The following RIMBP2 variants were observed in gnomAD, a reference collection of about 807,000 sequenced individuals.
RIMBP2 encodes the protein RIMS binding protein 2.
In RIMBP2, 48 loss-of-function variants were observed where a neutral mutation model predicts 118.6. The ratio of observed to expected loss-of-function variants is 0.40; its 90% CI spans 0.32 to 0.51. RIMBP2 has a LOEUF of 0.51. RIMBP2 is among the 20% of genes least tolerant of loss of function. The pLI is 0.41. For synonymous variants in RIMBP2, 762 were observed against 742.9 expected (o/e 1.03, Z -0.42); for missense variants, 1,551 against 1,768.3 (o/e 0.88, Z 2.20).
chr12:130,514,702 T>G (rs117249224), intron 3 of RIMBP2, among the ~76,000 whole-genome samples: 1 of 152,154 alleles, frequency 6.6e-6, no homozygotes, highest in Non-Finnish European at 1.5e-5. Context: ...TTTTTTATAT[T>G]TTTCCTCCTA....
At chr12:130,541,721 A>C (rs953244546) in intron 2 of RIMBP2, among the ~76,000 whole-genome samples, 1 of 152,268 alleles carries the variant, frequency 6.6e-6, no homozygotes, top group Non-Finnish European at 1.5e-5. Flanking sequence ...TGTTATCAGG[A>C]GCAACAGCTG....
chr12:130,533,442 T>G (rs753341009), intron 2 of RIMBP2, among the ~76,000 whole-genome samples: 18 of 152,202 alleles, frequency 1.2e-4, no homozygotes, highest in Non-Finnish European at 2.2e-4. Context: ...AGGGAACTCT[T>G]ACACACTGAT....
rs1195688947 is a variant in RIMBP2 at position 130,434,195 on chromosome 12, T to G, written c.2253+539A>C. Among the ~76,000 whole-genome samples the G allele has an allele frequency of 6.6e-6, 1 of 152,212 alleles. No individual in the cohort carries two copies. The highest frequency in any genetic ancestry group is 1.5e-5 in the Non-Finnish European group (1 of 68,040). ...GTCCCTCCTGTTGTCCAAGTTTTGT[T>G]CTTTACAGCATCTGAGGGCATTTCC... On this transcript the variant is annotated intron_variant, in intron 14 of 22. Coordinates refer to ENST00000690449, the MANE Select transcript of RIMBP2 (RefSeq NM_001393629.1). This position sits in a 1 kb window ranked among gnomAD's most constrained non-coding sequence, Gnocchi z 5.7.
At chr12:130,675,699 T>C (rs963788964) in intron 1 of RIMBP2, among the ~76,000 whole-genome samples, 8 of 152,154 alleles carry the variant, frequency 5.3e-5, no homozygotes, top group African/African-American at 1.9e-4. Context: ...CCACGTGACT[T>C]TGACACAATT....
intron 1 of RIMBP2, among the ~76,000 whole-genome samples, chr12:130,649,826 C>T (rs968690662): frequency 2.0e-5 from 3 of 151,996 alleles, no homozygotes; most frequent in South Asian, 2.1e-4. Context: ...CCGAAGAGGA[C>T]GTGCGGGTGC....
chr12:130,636,949 C>T (rs750047), intron 1 of RIMBP2, among the ~76,000 whole-genome samples: 91,650 of 152,074 alleles, frequency 0.6, 28,474 homozygotes, highest in Admixed American at 0.68. Context: ...CTAGTAATGC[C>T]TTGGGGATGG....
Position 130,664,447 on chromosome 12 carries a change from G to GTGCATGCA in RIMBP2, c.-351-35992_-351-35991insTGCATGCA, listed in dbSNP as rs1566439284. On this transcript the variant is annotated intron_variant, in intron 1 of 22. Coordinates refer to ENST00000690449, the MANE Select transcript of RIMBP2 (RefSeq NM_001393629.1). ...CACACACATGCATGCACGCACACACGCACACACATGCACGCACACACACGC... is the reference window on the plus strand; with the variant it reads ...CACACACATGCATGCACGCACACACGTGCATGCACACACACATGCACGCACACACACGC... Among the ~76,000 whole-genome samples, 49 of 122,506 alleles carry GTGCATGCA rather than the reference G, an allele frequency of 4.0e-4. 2 individuals carry two copies. The highest frequency in any genetic ancestry group is 5.2e-4 in the Non-Finnish European group (29 of 56,026). 80.4% of individuals were successfully genotyped at this position (122,506 alleles called of 152,430 possible).
intron 14 of RIMBP2, chr12:130,429,805 G>A (rs2077043678): frequency 6.6e-6 from 1 of 152,188 alleles, no homozygotes; most frequent in African/African-American, 2.4e-5. Flanking sequence ...GCCTCGGCCG[G>A]GCAGTCTGCA....
intron 17 of RIMBP2, among the ~76,000 whole-genome samples, chr12:130,417,221 C>A (rs1023712806): frequency 3.3e-5 from 5 of 152,182 alleles, no homozygotes; most frequent in African/African-American, 1.2e-4. Flanking sequence ...ATTTGACACA[C>A]CAGTGCCATT....
Position 130,450,067 on chromosome 12 carries a change from G to A in RIMBP2, c.581+133C>T. 1.6e-6 allele frequency: 1 copy of A among 639,976 alleles called. No individual in the cohort carries two copies. Among genetic ancestry groups the A allele is most frequent in the Non-Finnish European group, 2.8e-6 (1 of 359,754 alleles). 39.6% of individuals were successfully genotyped at this position (639,976 alleles called of 1,614,324 possible). The stretch of plus-strand genomic sequence containing the variant: ...CCACCGAACCCTGCTCAGCCTCCAG[G>A]CCAGGCTGAAATCCCACCTTCTCCT... On this transcript the variant is annotated intron_variant, in intron 9 of 22. Coordinates refer to ENST00000690449, the MANE Select transcript of RIMBP2 (RefSeq NM_001393629.1). This position sits in a 1 kb window ranked among gnomAD's most constrained non-coding sequence, Gnocchi z 4.8.
intron 16 of RIMBP2, among the ~76,000 whole-genome samples, chr12:130,423,858 C>G (rs1331529792): frequency 6.6e-6 from 1 of 152,072 alleles, no homozygotes; most frequent in Non-Finnish European, 1.5e-5. Context: ...TCAGCTAACC[C>G]TTAATTAAAA....
In RIMBP2 at chr12:130,511,961, C is replaced by T. The variant is rs2050957833; in HGVS notation, c.-126-5191G>A. ...GCACAACAGTGCCCTTCGTATGAAA[C>T]CCACCAAGCTCAGGCTTCTGTGAGG... is the stretch of plus-strand genomic sequence containing the variant. On this transcript the variant is annotated intron_variant, in intron 3 of 22. Coordinates refer to ENST00000690449, the MANE Select transcript of RIMBP2 (RefSeq NM_001393629.1). The surrounding 1 kb of genome is among the most constrained non-coding windows in gnomAD (Gnocchi z 4.3). Among the ~76,000 whole-genome samples the T allele has an allele frequency of 6.6e-6, 1 of 152,194 alleles. No homozygotes were observed. Among genetic ancestry groups the T allele is most frequent in the African/African-American group, 2.4e-5 (1 of 41,456 alleles).
chr12:130,535,738 CAT>C (rs55887629), intron 2 of RIMBP2, among the ~76,000 whole-genome samples: 1,265 of 66,156 alleles, frequency 0.019, 9 homozygotes, highest in South Asian at 0.039. Context: ...CATATATATA[CAT>C]ATATATATAT....
At chr12:130,588,772 G>T (rs573772468) in intron 2 of RIMBP2, among the ~76,000 whole-genome samples, 1 of 152,326 alleles carries the variant, frequency 6.6e-6, no homozygotes, top group Non-Finnish European at 1.5e-5. Flanking sequence ...ATGAATATCG[G>T]TTCATTCCCA....
chr12:130,555,422 G>A (rs1304762102), intron 2 of RIMBP2, among the ~76,000 whole-genome samples: 3 of 152,252 alleles, frequency 2.0e-5, no homozygotes, highest in East Asian at 1.9e-4. Context: ...GGACACAGAC[G>A]GCCTTAGTAT....
intron 2 of RIMBP2, among the ~76,000 whole-genome samples, chr12:130,579,076 A>T (rs1446477271): frequency 6.6e-6 from 1 of 152,096 alleles, no homozygotes; most frequent in East Asian, 1.9e-4. Context: ...GGGGTGGGGC[A>T]TCGTAGCCTG....
chr12:130,590,916 C>A (rs548475411), intron 2 of RIMBP2, among the ~76,000 whole-genome samples: 20 of 152,278 alleles, frequency 1.3e-4, no homozygotes, highest in African/African-American at 3.4e-4. Flanking sequence ...CGTGAGGAAG[C>A]GGATTGTCGC....
intron 2 of RIMBP2, among the ~76,000 whole-genome samples, chr12:130,585,233 TA>T (rs1407514877): frequency 6.6e-6 from 1 of 152,138 alleles, no homozygotes; most frequent in Non-Finnish European, 1.5e-5. Flanking sequence ...GCCGTGGGTG[TA>T]ACCATGTCCC....
chr12:130,467,710 C>T (rs2080616637), intron 6 of RIMBP2, among the ~76,000 whole-genome samples: 1 of 152,192 alleles, frequency 6.6e-6, no homozygotes, highest in African/African-American at 2.4e-5. Flanking sequence ...CCCAGAAGCC[C>T]CCGCTTCAAG....
Sources: allele counts gnomAD v4.1 joint callset (sites outside exome capture counted in the v4.1 genomes callset), GRCh38; gene constraint gnomAD v4.1.1; non-coding constraint Gnocchi (gnomAD v3.1); transcripts MANE v1.5; gene names NCBI Gene and HGNC (gene_info 2026-07-23, HGNC 2026-07-21).